SPOCK1: variants seen among roughly 807,000 people sequenced by gnomAD.
SPOCK1 encodes the protein SPARC (osteonectin), cwcv and kazal like domains proteoglycan 1, also known as testican-1.
A neutral mutation model predicts 55.3 loss-of-function variants in SPOCK1; 23 were observed. That is an observed-to-expected ratio of 0.42 (90% CI 0.30 to 0.59). The LOEUF (loss-of-function observed/expected upper bound fraction) is 0.59. SPOCK1 is among the 20% of genes least tolerant of loss of function. SPOCK1 has a pLI of 0.22. For synonymous variants in SPOCK1, 226 were observed against 221.0 expected (o/e 1.02, Z -0.20); for missense variants, 499 against 552.5 (o/e 0.90, Z 0.97).
intron 2 of SPOCK1, among the ~76,000 whole-genome samples, chr5:137,375,762 C>G (rs1216676617): frequency 6.6e-6 from 1 of 152,110 alleles, no homozygotes; most frequent in African/African-American, 2.4e-5. Flanking sequence ...TCAGCATCAA[C>G]AATAAAACAC....
chr5:137,180,210 A>C (rs1337309003), intron 3 of SPOCK1, among the ~76,000 whole-genome samples: 2 of 152,226 alleles, frequency 1.3e-5, no homozygotes, highest in Non-Finnish European at 2.9e-5. Flanking sequence ...AGCACCAGGC[A>C]CACAGCACAT....
intron 2 of SPOCK1, among the ~76,000 whole-genome samples, chr5:137,303,759 A>G (rs560175058): frequency 6.6e-6 from 1 of 152,274 alleles, no homozygotes; most frequent in East Asian, 1.9e-4. Context: ...GGTGGTGAGG[A>G]CAAAGGCCTG....
intron 4 of SPOCK1, among the ~76,000 whole-genome samples, chr5:137,113,420 C>T (rs1043700540): frequency 6.6e-6 from 1 of 152,156 alleles, no homozygotes; most frequent in African/African-American, 2.4e-5. Context: ...CTGGATAGCC[C>T]ATCAATCAGG....
At chr5:137,123,968 A>G (rs757691983) in intron 4 of SPOCK1, among the ~76,000 whole-genome samples, 3 of 152,154 alleles carry the variant, frequency 2.0e-5, no homozygotes, top group Non-Finnish European at 2.9e-5. Flanking sequence ...CTGAAGGAGC[A>G]CAACTTCATC....
intron 6 of SPOCK1, among the ~76,000 whole-genome samples, chr5:137,056,150 C>G (rs1451326678): frequency 1.3e-5 from 2 of 152,178 alleles, no homozygotes; most frequent in Non-Finnish European, 2.9e-5. Context: ...AGCCAACAGG[C>G]TGTAGGAAAA....
chr5:137,255,853 T>G (rs1756621214), intron 3 of SPOCK1, among the ~76,000 whole-genome samples: 1 of 152,238 alleles, frequency 6.6e-6, no homozygotes, highest in African/African-American at 2.4e-5. Context: ...AATTAGGGAT[T>G]GTCTTGCCTT....
At chr5:137,144,394 A>G (rs1333415017) in intron 3 of SPOCK1, among the ~76,000 whole-genome samples, 2 of 152,200 alleles carry the variant, frequency 1.3e-5, no homozygotes, top group East Asian at 3.8e-4. Context: ...CTCCCTACAT[A>G]CTTAACAATT....
At chr5:137,170,368 A>G (rs1754730402) in intron 3 of SPOCK1, among the ~76,000 whole-genome samples, 1 of 152,166 alleles carries the variant, frequency 6.6e-6, no homozygotes, top group South Asian at 2.1e-4. Flanking sequence ...CAAGCACTCC[A>G]CAAGCATTAT....
At chr5:137,416,549 G>A (rs929110153) in intron 2 of SPOCK1, among the ~76,000 whole-genome samples, 25 of 152,016 alleles carry the variant, frequency 1.6e-4, no homozygotes, top group Non-Finnish European at 8.8e-5. Flanking sequence ...AAATAATAAC[G>A]GAACTTGAGA....
At chr5:137,266,518 G>T (rs989647866) in intron 3 of SPOCK1, among the ~76,000 whole-genome samples, 2 of 152,138 alleles carry the variant, frequency 1.3e-5, no homozygotes, top group African/African-American at 4.8e-5. Flanking sequence ...TAGTCATCGA[G>T]CTAACTCTGA....
Position 137,378,381 on chromosome 5 carries a change from T to C in SPOCK1, c.187-111326A>G, listed in dbSNP as rs531813945. On this transcript the variant is annotated intron_variant, in intron 2 of 10. Transcript: ENST00000394945. Reference sequence around the variant, plus strand: ...AGTAGGAGGTAAGAAAGAAGTGGCATTGGGGATACAGGTAGGACAGGCATA... The same window carrying C: ...AGTAGGAGGTAAGAAAGAAGTGGCACTGGGGATACAGGTAGGACAGGCATA... Among the ~76,000 whole-genome samples the C allele has an allele frequency of 1.2e-4, 18 of 152,256 alleles. 1 individual carries two copies. The South Asian group carries it at 1.2e-3, about 11-fold the overall frequency.
At chr5:137,243,384 T>C (rs933118470) in intron 3 of SPOCK1, among the ~76,000 whole-genome samples, 1 of 152,238 alleles carries the variant, frequency 6.6e-6, no homozygotes, top group South Asian at 2.1e-4. Context: ...TCTATTTTTA[T>C]GTGTTTTCAG....
chr5:137,128,154 T>C (rs957628116), intron 4 of SPOCK1, among the ~76,000 whole-genome samples: 2 of 152,212 alleles, frequency 1.3e-5, no homozygotes, highest in African/African-American at 4.8e-5. Context: ...GCTTCTGCCA[T>C]GTGAAAACAC....
intron 3 of SPOCK1, among the ~76,000 whole-genome samples, chr5:137,196,040 A>C (rs988257772): frequency 2.6e-5 from 4 of 152,164 alleles, no homozygotes; most frequent in Non-Finnish European, 5.9e-5. Flanking sequence ...ATTAGCATCT[A>C]CCATGTGCCC....
chr5:137,112,667 C>T (rs1458552372), intron 4 of SPOCK1, 106 bp from the exon 5 acceptor site: 2 of 1,412,238 alleles, frequency 1.4e-6, no homozygotes, highest in South Asian at 1.5e-5. Context: ...GACTATCCAA[C>T]CAGGCCAAGG....
chr5:137,159,907 T>A (rs147937717), intron 3 of SPOCK1, among the ~76,000 whole-genome samples: 1 of 152,188 alleles, frequency 6.6e-6, no homozygotes, highest in African/African-American at 2.4e-5. Context: ...AATCCATGTC[T>A]ATATTTTATT....
intron 4 of SPOCK1, among the ~76,000 whole-genome samples, chr5:137,120,924 T>C (rs184531170): frequency 2.9e-3 from 449 of 152,286 alleles, no homozygotes; most frequent in Middle Eastern, 0.017. Context: ...GTTACCTAGA[T>C]AAAATCTTCC....
chr5:137,304,250 T>A (rs188126393), intron 2 of SPOCK1, among the ~76,000 whole-genome samples: 21 of 152,236 alleles, frequency 1.4e-4, no homozygotes, highest in African/African-American at 4.6e-4. Context: ...TGAACCCACA[T>A]GTAATACTCA....
chr5:137,051,418 C>T (rs529172607), intron 6 of SPOCK1, among the ~76,000 whole-genome samples: 1 of 152,282 alleles, frequency 6.6e-6, no homozygotes, highest in South Asian at 2.1e-4. Flanking sequence ...GTTTGAATGC[C>T]ACTGGCCTTA....
Sources: allele counts gnomAD v4.1 joint callset (sites outside exome capture counted in the v4.1 genomes callset), GRCh38; gene constraint gnomAD v4.1.1; transcripts MANE v1.5; gene names NCBI Gene and HGNC (gene_info 2026-07-23, HGNC 2026-07-21).